Variants in CHD8 observed in about 807,000 individuals in gnomAD.
CHD8 encodes chromodomain helicase DNA binding protein 8, also known as ATP-dependent chromatin remodeler CHD8.
CHD8 carries 31 observed loss-of-function variants against 279.2 expected under a neutral mutation model. That is an observed-to-expected ratio of 0.11 (90% CI 0.08 to 0.15). The LOEUF (loss-of-function observed/expected upper bound fraction) is 0.15. Ranked by LOEUF, CHD8 falls within the 10% of genes least tolerant of loss-of-function variation. CHD8 has a pLI of 1.00. For missense variants in CHD8, 2,146 were observed against 3,230.5 expected (o/e 0.66, Z 8.14); for synonymous variants, 1,081 against 1,139.6 (o/e 0.95, Z 1.04).
At chr14:21,443,789 C>G (rs1026728196) in intron 1 of CHD8, among the ~76,000 whole-genome samples, 22 of 141,068 alleles carry the variant, frequency 1.6e-4, no homozygotes, top group African/African-American at 5.3e-4. Flanking sequence ...CCGGGAGGCG[C>G]AGCTTGCAGT....
chr14:21,426,410 T>C (rs1889321549), intron 4 of CHD8, 168 bp from the exon 5 acceptor site: 1 of 577,032 alleles, frequency 1.7e-6, no homozygotes, highest in Non-Finnish European at 3.0e-6. Context: ...AAAAAGAAGA[T>C]ATTAGGGTTT....
At chr14:21,445,855 C>T (rs1361372796) in intron 1 of CHD8, among the ~76,000 whole-genome samples, 1 of 151,934 alleles carries the variant, frequency 6.6e-6, no homozygotes, top group Non-Finnish European at 1.5e-5. Context: ...CAAAAATTAG[C>T]TGGGTGTGGT....
At chr14:21,452,880 A>G (rs2139577636) in intron 1 of CHD8, among the ~76,000 whole-genome samples, 1 of 151,838 alleles carries the variant, frequency 6.6e-6, no homozygotes, top group African/African-American at 2.4e-5. Context: ...GCTACTCGGA[A>G]GGCTGAGGCA....
chr14:21,416,328 A>G (rs1407451017), intron 5 of CHD8: 9 of 154,772 alleles, frequency 5.8e-5, no homozygotes, highest in African/African-American at 2.2e-4. Flanking sequence ...TGTATGTACT[A>G]TTCTGCCACT....
At chr14:21,448,852 C>T (rs182099532) in intron 1 of CHD8, among the ~76,000 whole-genome samples, 108 of 150,532 alleles carry the variant, frequency 7.2e-4, no homozygotes, top group African/African-American at 2.5e-3. Flanking sequence ...CGTGAGCCAC[C>T]GCGCCTGGAC....
At chr14:21,430,563 C>T in intron 2 of CHD8, 1 of 471,852 alleles carries the variant, frequency 2.1e-6, no homozygotes, top group East Asian at 3.5e-5. Flanking sequence ...CTGTGTTTGC[C>T]TTATTTAGCA....
Position 21,431,696 on chromosome 14 carries a change from G to C in CHD8, c.-53C>G, listed in dbSNP as rs938495101. 12 of 1,594,964 alleles carry C rather than the reference G, an allele frequency of 7.5e-6. No individual in the cohort carries two copies. Among genetic ancestry groups the C allele is most frequent in the Admixed American group, 3.5e-5 (2 of 57,004 alleles). On this transcript the variant is annotated 5_prime_UTR_variant, in exon 2 of 38. Transcript: ENST00000646647. ...CCAAGGTCTAGGGAGGGAAGGGGAG[G>C]GGGGGTACTGGCTCTCCCCTCCCCT...
intron 37 of CHD8, among the ~76,000 whole-genome samples, chr14:21,388,369 A>G (rs576435468): frequency 3.9e-5 from 6 of 152,384 alleles, no homozygotes; most frequent in African/African-American, 1.4e-4. Flanking sequence ...ATTTTAAAAC[A>G]ATACCGTGTA....
At position 21,410,957 on chromosome 14, in the gene CHD8, T is replaced by G. The variant is rs554292687; in HGVS notation, c.2227-969A>C. 2.6e-5 allele frequency among the ~76,000 whole-genome samples: 4 copies of G among 152,262 alleles called. No individual in the cohort carries two copies. In the East Asian group the frequency reaches 7.7e-4, roughly 29 times the overall value. On this transcript the variant is annotated intron_variant, in intron 10 of 37. Transcript: ENST00000646647. ...GCATAATATCTATTTATTTCCACCA[T>G]TAGGTAATATAAAATGGATGACAAA...
At position 21,441,686 on chromosome 14, in the gene CHD8, A is replaced by C. The variant is rs192607208; in HGVS notation, c.-215-9828T>G. Among the ~76,000 whole-genome samples the C allele has an allele frequency of 9.2e-5, 14 of 152,040 alleles. No homozygotes were observed. The East Asian group carries it at 9.7e-4, about 11-fold the overall frequency. Reference sequence around the variant, plus strand: ...GGCATATCACGAGGTCAGGAGATGGAGACCATCCTGGCTAACACGGTGAAA... The same window carrying C: ...GGCATATCACGAGGTCAGGAGATGGCGACCATCCTGGCTAACACGGTGAAA... On this transcript the variant is annotated intron_variant, in intron 1 of 37. Coordinates refer to ENST00000646647, the MANE Select transcript of CHD8 (RefSeq NM_001170629.2).
In CHD8 at chr14:21,424,458, C is replaced by T. The variant is rs761677172; in HGVS notation, c.1716+1670G>A. Among the ~76,000 whole-genome samples the T allele has an allele frequency of 4.0e-4, 60 of 151,262 alleles. 1 individual carries two copies. Among genetic ancestry groups the T allele is most frequent in the Admixed American group, 2.0e-4 (3 of 15,186 alleles). ...CTCATTTTCCTTTTTAAAACTTTCT[C>T]GACTATTCTTTTGTTTTGTTTTGTT... On this transcript the variant is annotated intron_variant, in intron 5 of 37. Coordinates refer to ENST00000646647, the MANE Select transcript of CHD8 (RefSeq NM_001170629.2).
At position 21,394,462 on chromosome 14, in the gene CHD8, T is replaced by C. The variant is rs773818606; in HGVS notation, c.5414A>G (p.Asp1805Gly). The change falls in exon 31 of 38, where the codon GAT (aspartate) becomes GGT (glycine). Residue 1805 changes from aspartate to glycine, a missense_variant. By Grantham distance (94) the Asp-to-Gly change is moderately conservative. This residue lies in a region of CHD8 where 513 missense variants were observed against 637.6 expected (regional missense o/e 0.80). Transcript: ENST00000646647. ...AAACGTAGACACCACTCGATAAAAA[T>C]CAGTTTGTTCACGCCTTGTCCATCT... ...QQRWTRREQT[D>G]FYRVVSTFGV... is the part of the protein sequence containing the mutation. 1.2e-6 allele frequency: 2 copies of C among 1,604,100 alleles called. No individual in the cohort carries two copies. The highest frequency in any genetic ancestry group is 3.5e-5 in the Admixed American group (2 of 57,878).
At chr14:21,429,820 GCT>G (rs1216732416) in intron 2 of CHD8, 3 of 226,288 alleles carry the variant, frequency 1.3e-5, no homozygotes, top group Non-Finnish European at 2.7e-5. Context: ...TTTTTATTTT[GCT>G]TTTTTGTAGA....
chr14:21,434,273 G>A (rs1296168974), intron 1 of CHD8, among the ~76,000 whole-genome samples: 1 of 151,914 alleles, frequency 6.6e-6, no homozygotes, highest in Admixed American at 6.6e-5. Flanking sequence ...TCGGACTCTC[G>A]ACTTCAGAGG....
chr14:21,418,457 T>A (rs889307049), intron 5 of CHD8, among the ~76,000 whole-genome samples: 1 of 151,590 alleles, frequency 6.6e-6, no homozygotes, highest in African/African-American at 2.4e-5. Flanking sequence ...GAGGCGGAGG[T>A]TGCAGTGAGC....
intron 1 of CHD8, among the ~76,000 whole-genome samples, chr14:21,438,999 C>T (rs1467616721): frequency 2.0e-5 from 3 of 151,992 alleles, no homozygotes; most frequent in Admixed American, 6.6e-5. Context: ...TGGTGGCACT[C>T]ACCTGTAGTC....
rs1368388671 is a variant in CHD8 at position 21,401,060 on chromosome 14, T to C, written c.4185A>G (p.Val1395=). The change falls in exon 22 of 38, where the codon GTA becomes GTG. Residue 1395 remains valine (V), a synonymous_variant. Transcript: ENST00000646647. ...GTTTTCGTACTCTAGGTGTGTCAAT[T>C]ACCAAATTATTCTATGAAGAGAACA... ...MDLLNSKNNL[V]IDTPRVRKQT... The C allele has an allele frequency of 2.5e-6, 4 of 1,606,586 alleles. No individual in the cohort carries two copies. The highest frequency in any genetic ancestry group is 3.4e-6 in the Non-Finnish European group (4 of 1,176,662).
Position 21,402,587 on chromosome 14 carries a change from T to C in CHD8, c.3715-84A>G. 2.6e-5 allele frequency: 34 copies of C among 1,286,806 alleles called. No homozygotes were observed. The highest frequency in any genetic ancestry group is 3.6e-5 in the Non-Finnish European group (34 of 947,576). 79.7% of individuals were successfully genotyped at this position (1,286,806 alleles called of 1,614,324 possible). On this transcript the variant is annotated intron_variant, in intron 18 of 37. Coordinates refer to ENST00000646647, the MANE Select transcript of CHD8 (RefSeq NM_001170629.2). This position sits in a 1 kb window ranked among gnomAD's most constrained non-coding sequence, Gnocchi z 4.5. ...AGGATACAAAATACCAATTTATGAT[T>C]CTTTCACCTCTATAGAGCAGCCATG...
intron 1 of CHD8, chr14:21,454,900 A>G (rs1417499573): frequency 6.6e-6 from 1 of 152,254 alleles, no homozygotes. Context: ...TAAGCAGAAG[A>G]CACGATCTAA....
Sources: allele counts gnomAD v4.1 joint callset (sites outside exome capture counted in the v4.1 genomes callset), GRCh38; gene constraint gnomAD v4.1.1; regional missense constraint gnomAD v4.1.1; non-coding constraint Gnocchi (gnomAD v3.1); transcripts MANE v1.5; gene names NCBI Gene and HGNC (gene_info 2026-07-23, HGNC 2026-07-21).